The following COL22A1 variants were observed in gnomAD, a reference collection of about 807,000 sequenced individuals.
COL22A1 encodes the protein collagen type XXII alpha 1 chain.
A neutral mutation model predicts 248.9 loss-of-function variants in COL22A1; 221 were observed. The observed-to-expected ratio is 0.89, with a 90% CI of 0.80 to 0.99. The LOEUF (loss-of-function observed/expected upper bound fraction) is 0.99. Among genes scored for constraint, COL22A1 ranks in the 50% least tolerant of loss-of-function variants. COL22A1 has a pLI of 0.00. For synonymous variants in COL22A1, 891 were observed against 793.4 expected, an observed-to-expected ratio of 1.12 and a Z score of -2.07; for missense variants, 2,240 against 2,179.0, an observed-to-expected ratio of 1.03 and a Z score of -0.56.
At chr8:138,911,519 C>G (rs946882950) in intron 1 of COL22A1, among the ~76,000 whole-genome samples, 1 of 152,226 alleles carries the variant, frequency 6.6e-6, no homozygotes, top group Non-Finnish European at 1.5e-5. Flanking sequence ...GCAGGTCACA[C>G]AGATGACAGC....
At chr8:138,710,697 C>A (rs758277904) in intron 30 of COL22A1, among the ~76,000 whole-genome samples, 26 of 151,896 alleles carry the variant, frequency 1.7e-4, no homozygotes, top group Non-Finnish European at 3.5e-4. Context: ...CTGCAAATGG[C>A]CGAACCTGGT....
chr8:138,601,997 G>A (rs1818056311), intron 60 of COL22A1, 118 bp downstream of exon 60: 11 of 995,164 alleles, frequency 1.1e-5, no homozygotes, highest in Admixed American at 3.7e-5. Flanking sequence ...CACTACAGGC[G>A]GCATGATCCA....
chr8:138,829,742 T>A (rs1258160121), intron 5 of COL22A1, among the ~76,000 whole-genome samples: 1 of 152,036 alleles, frequency 6.6e-6, no homozygotes, highest in Admixed American at 6.6e-5. Context: ...ACCTGGCCAT[T>A]TTCTCCTTAT....
intron 35 of COL22A1, 105 bp downstream of exon 35, chr8:138,693,541 G>A (rs80120778): frequency 4.9e-5 from 59 of 1,214,104 alleles, no homozygotes; most frequent in East Asian, 4.1e-4. Context: ...TCTGGGCCAC[G>A]TCCTCCTAGC....
At chr8:138,761,365 C>G (rs1833474472) in intron 17 of COL22A1, among the ~76,000 whole-genome samples, 1 of 152,144 alleles carries the variant, frequency 6.6e-6, no homozygotes, top group African/African-American at 2.4e-5. Context: ...TCATTTGAGT[C>G]AGGCCTTTGG....
rs1415253088 is a variant in COL22A1, at chr8:138,589,166, G to C, written c.*87C>G. On this transcript the variant is annotated 3_prime_UTR_variant, in exon 65 of 65. Coordinates refer to ENST00000303045, the MANE Select transcript of COL22A1 (RefSeq NM_152888.3). ...AGAAAAAAAAAAGGAACACATGGCT[G>C]AAGTCTTTCAAGACCTCTGGCTTCC... 8 of 1,225,854 alleles carry C rather than the reference G, an allele frequency of 6.5e-6. No individual in the cohort carries two copies. Among genetic ancestry groups the C allele is most frequent in the Non-Finnish European group, 9.2e-6 (8 of 867,214 alleles). 75.9% of individuals were successfully genotyped at this position (1,225,854 alleles called of 1,614,324 possible). A position where few individuals can be genotyped will look rare whatever the true frequency, so the allele number is the denominator to read the frequency against.
intron 2 of COL22A1, among the ~76,000 whole-genome samples, chr8:138,882,823 ACTCT>A (rs891484793): frequency 2.0e-5 from 3 of 150,418 alleles, no homozygotes; most frequent in Non-Finnish European, 4.4e-5. Flanking sequence ...TCCCTCACAC[ACTCT>A]CCCTCACACT....
chr8:138,881,055 G>A (rs908086184), intron 2 of COL22A1, among the ~76,000 whole-genome samples: 4 of 152,198 alleles, frequency 2.6e-5, no homozygotes, highest in Non-Finnish European at 4.4e-5. Flanking sequence ...ATTCCGCCAA[G>A]GCAGGGGCTA....
At chr8:138,819,333 A>G (rs964460284) in intron 7 of COL22A1, among the ~76,000 whole-genome samples, 7 of 152,138 alleles carry the variant, frequency 4.6e-5, no homozygotes, top group Non-Finnish European at 1.0e-4. Context: ...GAAATCATTC[A>G]GTAAATAAAA....
At chr8:138,628,028 T>C (rs1322903231) in intron 50 of COL22A1, among the ~76,000 whole-genome samples, 9 of 152,108 alleles carry the variant, frequency 5.9e-5, no homozygotes, top group Non-Finnish European at 1.3e-4. Context: ...ATCCTAACAA[T>C]CTAGAACTCT....
At position 138,589,427 on chromosome 8, in the gene COL22A1, T is replaced by A; in HGVS notation, c.4707A>T (p.Glu1569Asp). ...GAAGTCCATCTTTAGCATAGCCAGG[T>A]TCCCCGGGTTGACCTGGCCCAAGGA... The part of the protein sequence containing the change: ...GPPGIPGQPG[E>D]PGYAKDGLPG... Residue 1569 changes from glutamate (E) to aspartate (D), a missense_variant, in exon 65 of 65, where the codon GAA becomes GAT. Glu to Asp is a conservative substitution (Grantham distance 45). Coordinates refer to ENST00000303045, the MANE Select transcript of COL22A1 (RefSeq NM_152888.3). 1.3e-6 allele frequency: 2 copies of A among 1,562,366 alleles called. No homozygotes were observed. The highest frequency in any genetic ancestry group is 1.7e-6 in the Non-Finnish European group (2 of 1,156,106).
intron 35 of COL22A1, among the ~76,000 whole-genome samples, chr8:138,692,424 T>C (rs1827148771): frequency 6.6e-6 from 1 of 150,682 alleles, no homozygotes; most frequent in African/African-American, 2.4e-5. Context: ...TGTGTGCACG[T>C]ACGTGTGTGC....
intron 16 of COL22A1, among the ~76,000 whole-genome samples, chr8:138,766,189 C>A (rs1833896166): frequency 6.6e-6 from 1 of 152,226 alleles, no homozygotes; most frequent in South Asian, 2.1e-4. Flanking sequence ...CTGTTTCTTA[C>A]TTCCCTGCAC....
At chr8:138,871,303 A>C (rs1219396157) in intron 3 of COL22A1, among the ~76,000 whole-genome samples, 1 of 152,162 alleles carries the variant, frequency 6.6e-6, no homozygotes, top group Non-Finnish European at 1.5e-5. Flanking sequence ...AGCTGTGTGA[A>C]CTGGGAAAGG....
Position 138,768,232 on chromosome 8 carries a change from G to T in COL22A1, c.1804-5766C>A, listed in dbSNP as rs544423992. 5.3e-5 allele frequency among the ~76,000 whole-genome samples: 8 copies of T among 152,136 alleles called. No individual in the cohort carries two copies. The South Asian group carries it at 1.7e-3, about 32-fold the overall frequency. ...TTCCCATGGCCTGCAGGATGCAGCC[G>T]CCTCCTCAGCCTGGCAGCAGGGGAC... On this transcript the variant is annotated intron_variant, in intron 16 of 64. Transcript: ENST00000303045.
intron 9 of COL22A1, among the ~76,000 whole-genome samples, chr8:138,810,919 G>T (rs886255871): frequency 6.6e-6 from 1 of 152,180 alleles, no homozygotes; most frequent in African/African-American, 2.4e-5. Context: ...CACATGCAGG[G>T]ACTGAGCTGA....
chr8:138,675,801 G>A (rs1395654196), intron 41 of COL22A1, among the ~76,000 whole-genome samples: 1 of 152,206 alleles, frequency 6.6e-6, no homozygotes, highest in Non-Finnish European at 1.5e-5. Context: ...AGAATTAAAA[G>A]CAGTGGGTGG....
At chr8:138,648,310 T>C (rs935622128) in intron 46 of COL22A1, among the ~76,000 whole-genome samples, 1 of 152,166 alleles carries the variant, frequency 6.6e-6, no homozygotes, top group Non-Finnish European at 1.5e-5. Flanking sequence ...TCAAATATCC[T>C]GCATAGCTGA....
At chr8:138,707,648 A>C (rs1319332963) in intron 30 of COL22A1, among the ~76,000 whole-genome samples, 1 of 152,182 alleles carries the variant, frequency 6.6e-6, no homozygotes, top group Non-Finnish European at 1.5e-5. Flanking sequence ...AAATAATAAG[A>C]GCTATTTATG....
Sources: gnomAD v4.1 joint callset for allele counts (sites outside exome capture counted in the v4.1 genomes callset) on GRCh38, gnomAD v4.1.1 for gene constraint, MANE v1.5 for transcripts, NCBI Gene and HGNC (gene_info 2026-07-23, HGNC 2026-07-21) for gene names.